Variants in NLGN1 observed in about 807,000 individuals in gnomAD.
NLGN1 encodes the protein neuroligin-1.
A neutral mutation model predicts 65.5 loss-of-function variants in NLGN1; 12 were observed. The observed-to-expected ratio is 0.18, with a 90% confidence interval of 0.12 to 0.30. The LOEUF (loss-of-function observed/expected upper bound fraction) is 0.30, where lower values mean the gene tolerates loss of function less well. NLGN1 is among the 10% of genes least tolerant of loss of function. NLGN1 has a pLI of 1.00. For missense variants in NLGN1, 750 were observed against 1,007.1 expected, an observed-to-expected ratio of 0.74 and a Z score of 3.46; for synonymous variants, 350 against 359.5, an observed-to-expected ratio of 0.97 and a Z score of 0.30.
chr3:173,571,587 T>G (rs926556978), intron 2 of NLGN1, among the ~76,000 whole-genome samples: 6 of 152,254 alleles, frequency 3.9e-5, no homozygotes, highest in African/African-American at 9.6e-5. Context: ...AAAATAAATA[T>G]TAATGGTCAT....
intron 4 of NLGN1, among the ~76,000 whole-genome samples, chr3:174,236,685 T>C (rs1053458885): frequency 2.4e-4 from 36 of 152,154 alleles, no homozygotes; most frequent in African/African-American, 8.2e-4. Flanking sequence ...AATCAATATG[T>C]ATTTGGATTT....
At chr3:174,246,420 T>C (rs1445685098) in intron 4 of NLGN1, among the ~76,000 whole-genome samples, 1 of 152,148 alleles carries the variant, frequency 6.6e-6, no homozygotes, top group Non-Finnish European at 1.5e-5. Flanking sequence ...TGACCCTAAT[T>C]CCATTTTTTT....
chr3:173,722,187 CT>C (rs1379344067), intron 3 of NLGN1, among the ~76,000 whole-genome samples: 1 of 151,450 alleles, frequency 6.6e-6, no homozygotes, highest in Non-Finnish European at 1.5e-5. Flanking sequence ...CTTCAGTAGC[CT>C]TGTGTAAGTC....
At chr3:174,037,909 C>A (rs2152484519) in intron 4 of NLGN1, among the ~76,000 whole-genome samples, 1 of 152,096 alleles carries the variant, frequency 6.6e-6, no homozygotes, top group Non-Finnish European at 1.5e-5. Flanking sequence ...GTTATGAGGA[C>A]TATGGTTTTA....
chr3:173,935,593 TACACACAC>T (rs769538665), intron 4 of NLGN1, among the ~76,000 whole-genome samples: 1 of 142,806 alleles, frequency 7.0e-6, no homozygotes, highest in East Asian at 2.1e-4. Flanking sequence ...ATATACAGTC[TACACACAC>T]ACACACACAC....
At position 174,118,312 on chromosome 3, in the gene NLGN1, T is replaced by G. The variant is rs536964528; in HGVS notation, c.647-157003T>G. On this transcript the variant is annotated intron_variant, in intron 4 of 6. Transcript: ENST00000457714. ...TATGCCTGCTTCAGCGTCAGAGCTCTCAGAGAGCTTACTCTAATATCTTGC... is the reference window on the plus strand; with the variant it reads ...TATGCCTGCTTCAGCGTCAGAGCTCGCAGAGAGCTTACTCTAATATCTTGC... 8.5e-5 allele frequency among the ~76,000 whole-genome samples: 13 copies of G among 152,258 alleles called. No individual in the cohort carries two copies. In the South Asian group the frequency reaches 2.7e-3, roughly 32 times the overall value.
chr3:173,715,527 C>T (rs978295535), intron 3 of NLGN1, among the ~76,000 whole-genome samples: 5 of 152,038 alleles, frequency 3.3e-5, no homozygotes, highest in South Asian at 2.1e-4. Flanking sequence ...ATCAAGGTAG[C>T]GAAAAGGGAC....
intron 1 of NLGN1, among the ~76,000 whole-genome samples, chr3:173,401,225 C>T (rs1223448474): frequency 6.6e-6 from 1 of 151,150 alleles, no homozygotes; most frequent in African/African-American, 2.4e-5. Flanking sequence ...GGTAGTGCAC[C>T]CCACCCCCAC....
chr3:173,594,642 G>A (rs747211062), intron 2 of NLGN1, among the ~76,000 whole-genome samples: 9 of 152,216 alleles, frequency 5.9e-5, no homozygotes, highest in Non-Finnish European at 1.2e-4. Flanking sequence ...CCCCAGTAGG[G>A]ACTCTGTGTT....
intron 3 of NLGN1, among the ~76,000 whole-genome samples, chr3:173,636,363 G>A (rs542939806): frequency 2.0e-5 from 3 of 152,148 alleles, no homozygotes; most frequent in African/African-American, 7.2e-5. Flanking sequence ...GCAGTGAGGT[G>A]GTTCTATTCC....
chr3:173,893,944 C>G (rs1735851593), intron 4 of NLGN1, among the ~76,000 whole-genome samples: 1 of 152,194 alleles, frequency 6.6e-6, no homozygotes, highest in Non-Finnish European at 1.5e-5. Context: ...CCATTCACCT[C>G]TTCATGCCTT....
At chr3:174,055,150 C>A (rs900787119) in intron 4 of NLGN1, among the ~76,000 whole-genome samples, 1 of 117,610 alleles carries the variant, frequency 8.5e-6, no homozygotes, top group African/African-American at 3.1e-5. Flanking sequence ...AAGGAGCTTG[C>A]TTTTTTTTTT....
chr3:173,510,063 G>A (rs953612645), intron 2 of NLGN1, among the ~76,000 whole-genome samples: 1 of 152,102 alleles, frequency 6.6e-6, no homozygotes, highest in Non-Finnish European at 1.5e-5. Context: ...ATCTACATAT[G>A]GAACAATGTA....
Position 174,273,424 on chromosome 3 carries a change from A to G in NLGN1, c.647-1891A>G, listed in dbSNP as rs1577738206. ...TGTCTTTATAGACCAAAACATTTGT[A>G]AGAGAATCTTTCAGAAGTTTAAACT... is the stretch of plus-strand genomic sequence containing the variant. On this transcript the variant is annotated intron_variant, in intron 4 of 6. Transcript: ENST00000457714. Among the ~76,000 whole-genome samples, 6 of 151,848 alleles carry G rather than the reference A, an allele frequency of 4.0e-5. No homozygotes were observed. The South Asian group carries it at 1.2e-3, about 31-fold the overall frequency.
intron 2 of NLGN1, among the ~76,000 whole-genome samples, chr3:173,499,740 G>GT (rs1458642709): frequency 6.6e-6 from 1 of 151,820 alleles, no homozygotes; most frequent in Non-Finnish European, 1.5e-5. Context: ...TTGAGCAGTG[G>GT]TTTGTAGTTC....
chr3:173,667,357 T>G (rs1283570704), intron 3 of NLGN1, among the ~76,000 whole-genome samples: 3 of 152,068 alleles, frequency 2.0e-5, no homozygotes, highest in Non-Finnish European at 4.4e-5. Flanking sequence ...ATACTTCTTT[T>G]TTAAAACATT....
intron 2 of NLGN1, among the ~76,000 whole-genome samples, chr3:173,523,504 A>T (rs1735122194): frequency 6.6e-6 from 1 of 151,710 alleles, no homozygotes; most frequent in Non-Finnish European, 1.5e-5. Flanking sequence ...CCATTTGTTG[A>T]ATAAGATATC....
chr3:173,473,071 T>A (rs1401717413), intron 2 of NLGN1, among the ~76,000 whole-genome samples: 3 of 152,158 alleles, frequency 2.0e-5, no homozygotes, highest in African/African-American at 7.2e-5. Flanking sequence ...AGTATAAGAA[T>A]TTTTTTGTGC....
At position 173,869,674 on chromosome 3, in the gene NLGN1, G is replaced by A. The variant is rs554983814; in HGVS notation, c.646+61842G>A. ...ATGTAAACCCAGTCTTCTTGGTGTA[G>A]AAAAAGAAATTATCACAGGTATTGG... is the stretch of plus-strand genomic sequence containing the variant. On this transcript the variant is annotated intron_variant, in intron 4 of 6. Transcript: ENST00000457714. 6.6e-5 allele frequency among the ~76,000 whole-genome samples: 10 copies of A among 152,206 alleles called. No individual in the cohort carries two copies. The East Asian group carries it at 1.9e-3, about 29-fold the overall frequency.
Sources: gnomAD v4.1 joint callset for allele counts (sites outside exome capture counted in the v4.1 genomes callset) on GRCh38, gnomAD v4.1.1 for gene constraint, MANE v1.5 for transcripts, NCBI Gene and HGNC (gene_info 2026-07-23, HGNC 2026-07-21) for gene names.